AP2A2: variants seen among roughly 807,000 people sequenced by gnomAD.
The protein encoded by AP2A2 is adaptor related protein complex 2 subunit alpha 2.
In AP2A2, 32 loss-of-function variants were observed where a neutral mutation model predicts 104.2. That is an observed-to-expected ratio of 0.31 (90% CI 0.23 to 0.41). The LOEUF is 0.41. AP2A2 is among the 10% of genes least tolerant of loss of function. AP2A2 has a pLI of 1.00. For missense variants in AP2A2, 912 were observed against 1,261.0 expected (o/e 0.72, Z 4.19); for synonymous variants, 539 against 533.3 (o/e 1.01, Z -0.15).
intron 1 of AP2A2, among the ~76,000 whole-genome samples, chr11:955,916 C>T (rs992595895): frequency 1.3e-5 from 2 of 152,168 alleles, no homozygotes; most frequent in African/African-American, 2.4e-5. Context: ...CCAGGCCTGG[C>T]GGGGCCGCTT....
intron 1 of AP2A2, among the ~76,000 whole-genome samples, chr11:954,000 A>G (rs1283567618): frequency 1.3e-5 from 2 of 151,932 alleles, no homozygotes; most frequent in South Asian, 4.2e-4. Flanking sequence ...ATGCCTGGCT[A>G]ATTTTTGTAT....
At chr11:981,546 G>A (rs908978375) in intron 6 of AP2A2, among the ~76,000 whole-genome samples, 14 of 152,218 alleles carry the variant, frequency 9.2e-5, no homozygotes, top group African/African-American at 1.7e-4. Flanking sequence ...CAGTGGCCCC[G>A]TGTCCCCCAC....
chr11:983,852 A>G (rs1855355255), intron 6 of AP2A2, among the ~76,000 whole-genome samples: 1 of 152,128 alleles, frequency 6.6e-6, no homozygotes, highest in South Asian at 2.1e-4. Context: ...AAGTGCTGTG[A>G]TTCTTGCCTT....
At chr11:951,008 C>G (rs1349700267) in intron 1 of AP2A2, among the ~76,000 whole-genome samples, 2 of 151,806 alleles carry the variant, frequency 1.3e-5, no homozygotes, top group African/African-American at 2.4e-5. Context: ...ACAAGAATCA[C>G]TTGAACCTGG....
chr11:959,309 C>T (rs931978085), intron 1 of AP2A2, 128 bp from the exon 2 acceptor site: 15 of 686,318 alleles, frequency 2.2e-5, no homozygotes, highest in Middle Eastern at 2.4e-4. Flanking sequence ...GTGTCTGCTT[C>T]GGCTTTTCTC....
intron 1 of AP2A2, among the ~76,000 whole-genome samples, chr11:935,086 C>T (rs1394597420): frequency 1.6e-5 from 2 of 124,910 alleles, no homozygotes; most frequent in African/African-American, 6.1e-5. Flanking sequence ...ACTGAGTCTT[C>T]CTCTGTTGCC....
At chr11:974,587 C>T (rs777866830) in intron 4 of AP2A2, among the ~76,000 whole-genome samples, 1 of 148,624 alleles carries the variant, frequency 6.7e-6, no homozygotes, top group South Asian at 2.1e-4. Flanking sequence ...AGGCTTGAGG[C>T]AGGAGAATCG....
chr11:987,163 C>T (rs1855489666), intron 9 of AP2A2, among the ~76,000 whole-genome samples: 1 of 152,344 alleles, frequency 6.6e-6, no homozygotes, highest in South Asian at 2.1e-4. Flanking sequence ...GCCCTGCTGT[C>T]CTGGTTAGGC....
At chr11:975,775 C>T (rs1294100699) in intron 4 of AP2A2, among the ~76,000 whole-genome samples, 1 of 150,194 alleles carries the variant, frequency 6.7e-6, no homozygotes, top group Non-Finnish European at 1.5e-5. Context: ...CGGAGAGTGG[C>T]GGTGGGGTCC....
At chr11:940,625 G>A in intron 1 of AP2A2, 1 of 342,680 alleles carries the variant, frequency 2.9e-6, no homozygotes, top group South Asian at 2.1e-5. Context: ...TCTCGTCTGT[G>A]TAAAGGTGTT....
chr11:994,185 G>A lies in AP2A2; in HGVS notation c.1896G>A (p.Arg632=). ...STVTDLEDTK[R]DRSVDVNGGP... ...TGACAGACCTGGAGGACACCAAGCGGGACAGGAGTGTGGACGTGAACGGGG... is the reference window on the plus strand; with the variant it reads ...TGACAGACCTGGAGGACACCAAGCGAGACAGGAGTGTGGACGTGAACGGGG... The change falls in exon 14 of 22, where the codon CGG becomes CGA. Residue 632 remains arginine (R), a synonymous_variant. Coordinates refer to ENST00000448903, the MANE Select transcript of AP2A2 (RefSeq NM_012305.4). The A allele has an allele frequency of 6.2e-7, 1 of 1,613,018 alleles. No homozygotes were observed. Among genetic ancestry groups the A allele is most frequent in the Non-Finnish European group, 8.5e-7 (1 of 1,179,852 alleles).
At chr11:983,652 G>A (rs960179382) in intron 6 of AP2A2, among the ~76,000 whole-genome samples, 10 of 152,052 alleles carry the variant, frequency 6.6e-5, no homozygotes, top group Non-Finnish European at 1.2e-4. Context: ...CAAAGTGCTG[G>A]GATTACAGGC....
chr11:977,281 G>A (rs1383320029), intron 5 of AP2A2, 57 bp downstream of exon 5: 21 of 1,528,412 alleles, frequency 1.4e-5, no homozygotes, highest in African/African-American at 2.8e-5. Context: ...TGGGATGGCC[G>A]TTGTGAAGAC....
intron 10 of AP2A2, among the ~76,000 whole-genome samples, chr11:991,496 G>A (rs1418660656): frequency 6.6e-6 from 1 of 152,212 alleles, no homozygotes; most frequent in Admixed American, 6.5e-5. Flanking sequence ...TGGAGGGGTG[G>A]GAGGTACCTT....
rs770988446 is a variant in AP2A2, at chr11:1,008,153, G to T, written c.2420+18G>T. 6.3e-7 allele frequency: 1 copy of T among 1,585,036 alleles called. No homozygotes were observed. Among genetic ancestry groups the T allele is most frequent in the Admixed American group, 1.7e-5 (1 of 58,092 alleles). On this transcript the variant is annotated intron_variant, in intron 18 of 21. Transcript: ENST00000448903. ...CAGTTCAGGTAAGAGCCGCCTGTGC[G>T]CCCCGGGCCAAGGGGTGTGTGGGCG...
At chr11:971,927 C>T in intron 3 of AP2A2, 135 bp from the exon 4 acceptor site, 2 of 812,260 alleles carry the variant, frequency 2.5e-6, no homozygotes, top group East Asian at 2.7e-5. Context: ...GCCGCTCCCA[C>T]AGCAGTGCCC....
At chr11:969,817 C>A (rs904996279) in intron 2 of AP2A2, among the ~76,000 whole-genome samples, 3 of 152,222 alleles carry the variant, frequency 2.0e-5, no homozygotes, top group Non-Finnish European at 4.4e-5. Flanking sequence ...TTTGCAAGTT[C>A]CATCACAGCA....
At chr11:946,426 A>C (rs1564786339) in intron 1 of AP2A2, 1 of 152,174 alleles carries the variant, frequency 6.6e-6, no homozygotes, top group African/African-American at 2.4e-5. Flanking sequence ...CTGTTTCTGA[A>C]AGAGAGACTG....
intron 3 of AP2A2, among the ~76,000 whole-genome samples, chr11:971,459 A>G (rs1404693734): frequency 2.6e-5 from 4 of 151,916 alleles, no homozygotes; most frequent in Non-Finnish European, 5.9e-5. Flanking sequence ...TACATCTTTA[A>G]CCGGGGTGCT....
Sources: gnomAD v4.1 joint callset for allele counts (sites outside exome capture counted in the v4.1 genomes callset) on GRCh38, gnomAD v4.1.1 for gene constraint, MANE v1.5 for transcripts, NCBI Gene and HGNC (gene_info 2026-07-23, HGNC 2026-07-21) for gene names.